DOCK2: variants seen among roughly 807,000 people sequenced by gnomAD.
DOCK2 encodes dedicator of cytokinesis protein 2.
DOCK2 carries 87 observed loss-of-function variants against 248.9 expected under a neutral mutation model. That is an observed-to-expected ratio of 0.35 (90% CI 0.29 to 0.42). The LOEUF is 0.42. Ranked by LOEUF, DOCK2 falls within the 10% of genes least tolerant of loss-of-function variation. The probability of loss-of-function intolerance (pLI) is 1.00; values close to 1 mark genes in which losing one functional copy is unlikely to be tolerated. For missense variants in DOCK2, 1,747 were observed against 2,300.2 expected, an observed-to-expected ratio of 0.76 and a Z score of 4.92; for synonymous variants, 805 against 821.6, an observed-to-expected ratio of 0.98 and a Z score of 0.35.
At chr5:169,663,271 T>G (rs2113238826) in intron 2 of DOCK2, among the ~76,000 whole-genome samples, 1 of 152,336 alleles carries the variant, frequency 6.6e-6, no homozygotes, top group Non-Finnish European at 1.5e-5. Context: ...CTCTGTGGCA[T>G]TGCAGGGTAC....
chr5:169,712,343 A>G lies in DOCK2; in HGVS notation c.1659+120A>G, dbSNP rs1291693276. 7.6e-6 allele frequency: 6 copies of G among 787,972 alleles called. No homozygotes were observed. The East Asian group carries it at 1.3e-4, about 17-fold the overall frequency. 48.8% of individuals were successfully genotyped at this position (787,972 alleles called of 1,614,324 possible). A position where few individuals can be genotyped will look rare whatever the true frequency, so the allele number is the denominator to read the frequency against. On this transcript the variant is annotated intron_variant, in intron 17 of 51. Transcript: ENST00000520908. The stretch of plus-strand genomic sequence containing the variant: ...GAATCACACACACCAGAGTTTACCA[A>G]CTTTGTGGCCTCTTATAAACTCTTG...
chr5:169,883,519 G>A (rs1417473474), intron 27 of DOCK2: 3 of 1,551,530 alleles, frequency 1.9e-6, no homozygotes, highest in African/African-American at 2.7e-5. Flanking sequence ...ACTTTGGGAG[G>A]CTGTTGGCAT....
chr5:169,905,772 C>T (rs1334805543), intron 27 of DOCK2, among the ~76,000 whole-genome samples: 1 of 152,232 alleles, frequency 6.6e-6, no homozygotes, highest in South Asian at 2.1e-4. Flanking sequence ...GGGCTCACCA[C>T]AGCTGCGATT....
intron 14 of DOCK2, among the ~76,000 whole-genome samples, chr5:169,707,316 C>G (rs1020060817): frequency 6.6e-6 from 1 of 152,146 alleles, no homozygotes; most frequent in Non-Finnish European, 1.5e-5. Flanking sequence ...GCTCTGTGCT[C>G]ACTCTCTGCT....
At chr5:169,657,956 G>A (rs1758213561) in intron 2 of DOCK2, among the ~76,000 whole-genome samples, 1 of 152,070 alleles carries the variant, frequency 6.6e-6, no homozygotes, top group South Asian at 2.1e-4. Flanking sequence ...TTGAGACTTG[G>A]GAGGAGAATG....
chr5:169,782,434 G>C (rs147401664), intron 25 of DOCK2, among the ~76,000 whole-genome samples: 1 of 151,694 alleles, frequency 6.6e-6, no homozygotes, highest in Non-Finnish European at 1.5e-5. Flanking sequence ...GCCTAAAGCT[G>C]ACCAGTTACT....
chr5:169,857,462 C>T (rs946439567), intron 27 of DOCK2, among the ~76,000 whole-genome samples: 5 of 152,128 alleles, frequency 3.3e-5, no homozygotes, highest in Admixed American at 1.3e-4. Context: ...TACAGGTGCA[C>T]GACACCGTAC....
rs373336620 is a variant in DOCK2, at chr5:169,841,415, C to G, written c.2799+563C>G. 9.6e-4 allele frequency: 951 copies of G among 986,438 alleles called. 26 individuals carry two copies. In the South Asian group the frequency reaches 0.04, roughly 41 times the overall value. 61.1% of individuals were successfully genotyped at this position (986,438 alleles called of 1,614,324 possible). Reference sequence around the variant, plus strand: ...TCCCGACACAGAACCCAGCTCGAACCCTTTAACCTCTGCCCATCGTGCTTT... The same window carrying G: ...TCCCGACACAGAACCCAGCTCGAACGCTTTAACCTCTGCCCATCGTGCTTT... On this transcript the variant is annotated intron_variant, in intron 27 of 51. Coordinates refer to ENST00000520908, the MANE Select transcript of DOCK2 (RefSeq NM_004946.3).
intron 27 of DOCK2, among the ~76,000 whole-genome samples, chr5:169,858,791 C>T (rs551796548): frequency 6.6e-6 from 1 of 152,176 alleles, no homozygotes; most frequent in African/African-American, 2.4e-5. Flanking sequence ...TTGCTTGAGC[C>T]AGGAGTTTGA....
At position 169,674,346 on chromosome 5, in the gene DOCK2, T is replaced by A. The variant is rs779123178; in HGVS notation, c.371T>A (p.Leu124Gln). 6.2e-7 allele frequency: 1 copy of A among 1,614,064 alleles called. No individual in the cohort carries two copies. The change falls in exon 6 of 52, where the codon CTG (leucine) becomes CAG (glutamine). Residue 124 changes from leucine (L) to glutamine (Q), a missense_variant. Leu to Gln is a moderately radical substitution (Grantham distance 113). This residue lies in a region of DOCK2 where 375 missense variants were observed against 510.9 expected (regional missense o/e 0.73). Coordinates refer to ENST00000520908, the MANE Select transcript of DOCK2 (RefSeq NM_004946.3). ...FLQVQSMMYD[L>Q]MEWRSQLLSG... ...CAGGTGCAGTCCATGATGTACGATCTGATGGAGTGGAGGTCCCAGCTTCTC... is the reference window on the plus strand; with the variant it reads ...CAGGTGCAGTCCATGATGTACGATCAGATGGAGTGGAGGTCCCAGCTTCTC...
rs955777904 is a variant in DOCK2, at chr5:169,696,790, C to T, written c.979+852C>T. Among the ~76,000 whole-genome samples, 8 of 151,360 alleles carry T rather than the reference C, an allele frequency of 5.3e-5. No individual in the cohort carries two copies. In the East Asian group the frequency reaches 9.7e-4, roughly 18 times the overall value. On this transcript the variant is annotated intron_variant, in intron 10 of 51. Coordinates refer to ENST00000520908, the MANE Select transcript of DOCK2 (RefSeq NM_004946.3). ...TAGTCCCCTGGCACTGCTTGCAAAG[C>T]GGTGGAGTGGAGGATGTTTTACTGA...
intron 27 of DOCK2, chr5:169,875,224 A>G (rs1690008242): frequency 2.2e-6 from 1 of 456,574 alleles, no homozygotes; most frequent in Non-Finnish European, 4.4e-6. Flanking sequence ...AACCATTCCC[A>G]GGGAGCTTGC....
At chr5:169,694,636 A>T (rs143439947) in intron 9 of DOCK2, among the ~76,000 whole-genome samples, 8 of 152,300 alleles carry the variant, frequency 5.3e-5, no homozygotes, top group African/African-American at 1.9e-4. Flanking sequence ...GTGATGCAGG[A>T]ATCACTTAGC....
intron 30 of DOCK2, among the ~76,000 whole-genome samples, chr5:170,006,015 T>G (rs2113807341): frequency 6.6e-6 from 1 of 152,348 alleles, no homozygotes; most frequent in South Asian, 2.1e-4. Context: ...CCATGTCCTG[T>G]GGCCACAGTT....
intron 33 of DOCK2, among the ~76,000 whole-genome samples, chr5:170,022,826 GCA>G (rs1179401585): frequency 1.3e-5 from 2 of 152,218 alleles, no homozygotes; most frequent in Non-Finnish European, 2.9e-5. Flanking sequence ...TGCCTGAGAT[GCA>G]CGTGGTGGGC....
At chr5:169,962,063 T>A (rs1340859058) in intron 27 of DOCK2, among the ~76,000 whole-genome samples, 3 of 149,878 alleles carry the variant, frequency 2.0e-5, no homozygotes, top group Non-Finnish European at 4.4e-5. Context: ...AGAAAGCCAG[T>A]GTGTCTGAGC....
At chr5:169,697,328 G>A (rs768030583) in intron 10 of DOCK2, among the ~76,000 whole-genome samples, 5 of 152,180 alleles carry the variant, frequency 3.3e-5, no homozygotes, top group Non-Finnish European at 7.3e-5. Context: ...GAAGATGGCT[G>A]TCCAACTAGT....
rs6861799 is a variant in DOCK2 at position 169,659,515 on chromosome 5, C to A, written c.127+5029C>A. Among the ~76,000 whole-genome samples the A allele has an allele frequency of 2.6e-5, 4 of 151,964 alleles. No individual in the cohort carries two copies. In the South Asian group the frequency reaches 6.2e-4, roughly 24 times the overall value. ...TTTCCTGGAATGGGTGAGACTAGCC[C>A]TTCCTTGCCTATGTACTAAATTTAC... On this transcript the variant is annotated intron_variant, in intron 2 of 51. Coordinates refer to ENST00000520908, the MANE Select transcript of DOCK2 (RefSeq NM_004946.3).
At chr5:170,022,986 G>A (rs1299982718) in intron 33 of DOCK2, among the ~76,000 whole-genome samples, 1 of 152,198 alleles carries the variant, frequency 6.6e-6, no homozygotes, top group Non-Finnish European at 1.5e-5. Flanking sequence ...GACTGCTTGA[G>A]TAATCCCCTT....
Sources: allele counts gnomAD v4.1 joint callset (sites outside exome capture counted in the v4.1 genomes callset), GRCh38; gene constraint gnomAD v4.1.1; regional missense constraint gnomAD v4.1.1; transcripts MANE v1.5; gene names NCBI Gene and HGNC (gene_info 2026-07-23, HGNC 2026-07-21).